The following IARS2 variants were observed in gnomAD, a reference collection of about 807,000 sequenced individuals.
IARS2 encodes the protein isoleucyl-tRNA synthetase 2, mitochondrial, also known as isoleucine--tRNA ligase, mitochondrial.
IARS2 carries 56 observed loss-of-function variants against 126.3 expected under a neutral mutation model. The ratio of observed to expected loss-of-function variants is 0.44; its 90% CI spans 0.36 to 0.55. The LOEUF is 0.55. IARS2 is among the 20% of genes least tolerant of loss of function. IARS2 has a pLI of 0.00. For synonymous variants in IARS2, 407 were observed against 441.1 expected (o/e 0.92, Z 0.97); for missense variants, 1,127 against 1,245.9 (o/e 0.90, Z 1.44).
At chr1:220,133,626 CTT>C (rs1403366765) in intron 14 of IARS2, among the ~76,000 whole-genome samples, 1 of 152,122 alleles carries the variant, frequency 6.6e-6, no homozygotes, top group African/African-American at 2.4e-5. Flanking sequence ...TAGATGTAAT[CTT>C]TATCAACGAC....
At chr1:220,101,869 C>T (rs1271314686) in intron 3 of IARS2, among the ~76,000 whole-genome samples, 5 of 152,046 alleles carry the variant, frequency 3.3e-5, no homozygotes, top group East Asian at 1.9e-4. Context: ...GGCGTGGTGG[C>T]GGGCGCCTGT....
At chr1:220,101,428 G>T (rs1656567740) in intron 3 of IARS2, among the ~76,000 whole-genome samples, 1 of 152,178 alleles carries the variant, frequency 6.6e-6, no homozygotes, top group Non-Finnish European at 1.5e-5. Flanking sequence ...GGGCACAGTG[G>T]CTCATGCCTG....
chr1:220,108,127 C>A (rs1405115839), intron 10 of IARS2, among the ~76,000 whole-genome samples: 2 of 151,790 alleles, frequency 1.3e-5, no homozygotes, highest in Non-Finnish European at 1.5e-5. Flanking sequence ...GTGGTGTGAT[C>A]TCAGCTCACT....
chr1:220,096,315 GTA>G, intron 2 of IARS2, 89 bp downstream of exon 2: 6 of 851,038 alleles, frequency 7.1e-6, no homozygotes, highest in Non-Finnish European at 1.0e-5. Context: ...TGATAATTAT[GTA>G]AATTTAGATT....
In IARS2 at chr1:220,103,533, C is replaced by T. The variant is rs1225572370; in HGVS notation, c.1037C>T (p.Thr346Ile). ...GCATCTGTTGCTTCTACTTTGGAAA[C>T]AACATTTGAGACTATTTCAACACTT... The part of the protein sequence containing the change: ...KVASVASTLE[T>I]TFETISTLSG... The change falls in exon 8 of 23, where the codon ACA becomes ATA. Residue 346 changes from threonine to isoleucine, a missense_variant. Transcript: ENST00000366922. The T allele has an allele frequency of 8.1e-6, 13 of 1,612,148 alleles. No homozygotes were observed. Among genetic ancestry groups the T allele is most frequent in the Non-Finnish European group, 1.1e-5 (13 of 1,178,458 alleles).
At chr1:220,145,013 C>T (rs571299962) in intron 21 of IARS2, among the ~76,000 whole-genome samples, 1 of 151,490 alleles carries the variant, frequency 6.6e-6, no homozygotes, top group South Asian at 2.1e-4. Flanking sequence ...CAGATTGCCA[C>T]TATCAGTATA....
rs1221894379 is a variant in IARS2, at chr1:220,102,154, T to G, written c.576T>G (p.Ile192Met). ...KKARSFAKAAIEKQKSAFIRW... is the reference protein window; with the variant it reads ...KKARSFAKAAMEKQKSAFIRW... Reference sequence around the variant, plus strand: ...CTAGATCATTTGCTAAAGCAGCCATTGAGAAACAGAAATCAGCATTTATTC... The same window carrying G: ...CTAGATCATTTGCTAAAGCAGCCATGGAGAAACAGAAATCAGCATTTATTC... Residue 192 changes from isoleucine to methionine, a missense_variant, in exon 4 of 23, where the codon ATT becomes ATG. Ile to Met is a conservative substitution (Grantham distance 10). Coordinates refer to ENST00000366922, the MANE Select transcript of IARS2 (RefSeq NM_018060.4). The G allele has an allele frequency of 6.2e-7, 1 of 1,605,668 alleles. No homozygotes were observed. The highest frequency in any genetic ancestry group is 1.3e-5 in the African/African-American group (1 of 74,324).
At chr1:220,143,884 T>C (rs1657535242) in intron 21 of IARS2, 1 of 724,190 alleles carries the variant, frequency 1.4e-6, no homozygotes, top group Admixed American at 2.3e-5. Flanking sequence ...TCTAAATGCT[T>C]AAGAAGAGAA....
At chr1:220,103,614 T>C (rs1214957130) in intron 8 of IARS2, 52 bp downstream of exon 8, 1 of 1,102,600 alleles carries the variant, frequency 9.1e-7, no homozygotes, top group Admixed American at 1.7e-5. Context: ...TTGGGCTGAC[T>C]TGAATTTACT....
In IARS2 at chr1:220,102,165, A is replaced by G. The variant is rs769873679; in HGVS notation, c.587A>G (p.Lys196Arg). 1 of 1,609,520 alleles carries G rather than the reference A, an allele frequency of 6.2e-7. No individual in the cohort carries two copies. The highest frequency in any genetic ancestry group is 8.5e-7 in the Non-Finnish European group (1 of 1,179,124). ...SFAKAAIEKQ[K>R]SAFIRWGIMA... ...GCTAAAGCAGCCATTGAGAAACAGA[A>G]ATCAGCATTTATTCGTTGGGGAATA... The change falls in exon 4 of 23, where the codon AAA (lysine) becomes AGA (arginine). Residue 196 changes from lysine to arginine, a missense_variant. Lys to Arg is a conservative substitution (Grantham distance 26). Transcript: ENST00000366922.
intron 12 of IARS2, chr1:220,118,186 C>T (rs1242907042): frequency 5.9e-6 from 3 of 506,086 alleles, no homozygotes; most frequent in Non-Finnish European, 1.2e-5. Flanking sequence ...ACAGCATCTC[C>T]ACTGGAAATT....
chr1:220,125,189 C>G (rs1037617335), intron 12 of IARS2, 48 bp from the exon 13 acceptor site: 4 of 1,044,034 alleles, frequency 3.8e-6, no homozygotes, highest in Non-Finnish European at 5.7e-6. Context: ...GTTTGTTATT[C>G]ATCACAATAG....
chr1:220,096,616 A>G (rs1656449718), intron 2 of IARS2, among the ~76,000 whole-genome samples: 1 of 152,194 alleles, frequency 6.6e-6, no homozygotes, highest in Admixed American at 6.5e-5. Flanking sequence ...TTGAGAGAAT[A>G]TGTTAATACT....
intron 8 of IARS2, among the ~76,000 whole-genome samples, chr1:220,104,679 C>T (rs145556593): frequency 6.6e-6 from 1 of 152,240 alleles, no homozygotes; most frequent in African/African-American, 2.4e-5. Flanking sequence ...GCCACTGTGC[C>T]TGGACTAAAA....
Position 220,136,458 on chromosome 1 carries a change from G to C in IARS2, c.1947-351G>C, listed in dbSNP as rs73098527. ...AATTTGACTTTTAAGGAAAGGTTTC[G>C]GCCGGGCAGGGTGGCTCATACCTGT... On this transcript the variant is annotated intron_variant, in intron 15 of 22. Transcript: ENST00000366922. 0.051 allele frequency among the ~76,000 whole-genome samples: 7,818 copies of C among 151,922 alleles called. 245 individuals are homozygous for C. Among genetic ancestry groups the C allele is most frequent in the East Asian group, 0.11 (564 of 5,128 alleles).
chr1:220,123,234 T>C (rs1345285653), intron 12 of IARS2, among the ~76,000 whole-genome samples: 1 of 152,118 alleles, frequency 6.6e-6, no homozygotes, highest in African/African-American at 2.4e-5. Flanking sequence ...TAGGTAGTTA[T>C]TACATAAGGT....
intron 12 of IARS2, 59 bp downstream of exon 12, chr1:220,114,533 T>C (rs1571851592): frequency 1.5e-6 from 2 of 1,361,586 alleles, no homozygotes; most frequent in East Asian, 4.6e-5. Context: ...TCTTCAAAAA[T>C]TGAAAAATAA....
intron 11 of IARS2, among the ~76,000 whole-genome samples, chr1:220,113,152 A>G (rs879633824): frequency 6.6e-6 from 1 of 152,176 alleles, no homozygotes; most frequent in Admixed American, 6.5e-5. Context: ...GACGTGAGCC[A>G]CCATGCTCGG....
intron 12 of IARS2, among the ~76,000 whole-genome samples, chr1:220,122,738 C>G (rs1387062944): frequency 6.6e-6 from 1 of 152,134 alleles, no homozygotes; most frequent in African/African-American, 2.4e-5. Context: ...TACAAATACT[C>G]TTTATCTTTT....
Sources: allele counts gnomAD v4.1 joint callset (sites outside exome capture counted in the v4.1 genomes callset), GRCh38; gene constraint gnomAD v4.1.1; transcripts MANE v1.5; gene names NCBI Gene and HGNC (gene_info 2026-07-23, HGNC 2026-07-21).